TUSC3: variants seen among roughly 807,000 people sequenced by gnomAD.
The protein encoded by TUSC3 is tumor suppressor candidate 3, also known as dolichyl-diphosphooligosaccharide--protein glycosyltransferase subunit TUSC3.
In TUSC3, 45 loss-of-function variants were observed where a neutral mutation model predicts 44.8. The observed-to-expected ratio is 1.00, with a 90% CI of 0.79 to 1.29. TUSC3 has a LOEUF of 1.29. TUSC3 is among the 50% of genes most tolerant of loss of function. TUSC3 has a pLI of 0.00. For synonymous variants in TUSC3, 212 were observed against 152.9 expected (o/e 1.39, Z -2.85); for missense variants, 519 against 437.9 (o/e 1.19, Z -1.65).
At chr8:15,596,156 C>G (rs187998992) in intron 1 of TUSC3, among the ~76,000 whole-genome samples, 5 of 152,248 alleles carry the variant, frequency 3.3e-5, no homozygotes, top group Admixed American at 6.5e-5. Context: ...TTTATAGTCG[C>G]AAGTTCTAAT....
intron 1 of TUSC3, among the ~76,000 whole-genome samples, chr8:15,555,456 C>G (rs1291517926): frequency 1.3e-5 from 2 of 150,824 alleles, no homozygotes; most frequent in Non-Finnish European, 3.0e-5. Flanking sequence ...GCCACCATGC[C>G]TAGCTAGTTT....
At chr8:15,565,670 C>T (rs1386388011) in intron 1 of TUSC3, among the ~76,000 whole-genome samples, 8 of 152,124 alleles carry the variant, frequency 5.3e-5, no homozygotes, top group Admixed American at 2.0e-4. Context: ...TCATCTGATT[C>T]TCTGTATTAA....
At chr8:15,588,503 A>G (rs192409407) in intron 1 of TUSC3, among the ~76,000 whole-genome samples, 4 of 152,092 alleles carry the variant, frequency 2.6e-5, no homozygotes, top group East Asian at 1.9e-4. Context: ...CTCCCATTCT[A>G]TGGGCTGTCT....
chr8:15,610,001 C>T (rs899999299), intron 1 of TUSC3, among the ~76,000 whole-genome samples: 3 of 151,956 alleles, frequency 2.0e-5, no homozygotes, highest in East Asian at 1.9e-4. Context: ...TATTATTATG[C>T]TCTTTATTTC....
chr8:15,751,122 G>A (rs1811681618), intron 9 of TUSC3, among the ~76,000 whole-genome samples: 1 of 152,082 alleles, frequency 6.6e-6, no homozygotes, highest in South Asian at 2.1e-4. Flanking sequence ...GATTGACTTA[G>A]GCAAGCTAAA....
chr8:15,744,285 T>G (rs1811313486), intron 8 of TUSC3, among the ~76,000 whole-genome samples: 1 of 151,982 alleles, frequency 6.6e-6, no homozygotes, highest in Non-Finnish European at 1.5e-5. Flanking sequence ...TTTTGAGAAG[T>G]AAAGAGTTTT....
intron 1 of TUSC3, among the ~76,000 whole-genome samples, chr8:15,423,975 T>TTTG (rs1563247169): frequency 5.0e-5 from 1 of 19,990 alleles, no homozygotes; most frequent in Non-Finnish European, 1.0e-4. Context: ...CTTTGTTTTT[T>TTTG]TTTTTTTTTT....
chr8:15,645,770 A>G (rs182206441), intron 2 of TUSC3, among the ~76,000 whole-genome samples: 20 of 152,226 alleles, frequency 1.3e-4, no homozygotes, highest in Admixed American at 3.9e-4. Context: ...CAAACAGCAT[A>G]TGTTTGTGAT....
intron 7 of TUSC3, among the ~76,000 whole-genome samples, chr8:15,735,014 C>A (rs565470230): frequency 1.3e-5 from 2 of 152,132 alleles, no homozygotes; most frequent in Admixed American, 6.5e-5. Flanking sequence ...GGGTAACTTA[C>A]GAATTCTTTT....
At chr8:15,620,003 G>A (rs765181945) in intron 1 of TUSC3, among the ~76,000 whole-genome samples, 15 of 152,124 alleles carry the variant, frequency 9.9e-5, no homozygotes, top group Non-Finnish European at 2.1e-4. Context: ...TGGAGGTTGC[G>A]ATTTGCTGAG....
chr8:15,619,684 T>C (rs535788561), intron 1 of TUSC3, among the ~76,000 whole-genome samples: 1 of 152,108 alleles, frequency 6.6e-6, no homozygotes, highest in East Asian at 1.9e-4. Context: ...TGTTTGTTTG[T>C]TTGTTTTAGT....
At chr8:15,717,313 T>C (rs1024315131) in intron 6 of TUSC3, among the ~76,000 whole-genome samples, 35 of 152,026 alleles carry the variant, frequency 2.3e-4, no homozygotes, top group Non-Finnish European at 4.1e-4. Context: ...TTGAGATGAA[T>C]CAGGAAAAGA....
intron 3 of TUSC3, among the ~76,000 whole-genome samples, chr8:15,651,212 C>T (rs895344568): frequency 2.0e-5 from 3 of 152,108 alleles, no homozygotes; most frequent in Admixed American, 2.0e-4. Flanking sequence ...AGTTTACATG[C>T]ATTGGTCTTA....
intron 1 of TUSC3, among the ~76,000 whole-genome samples, chr8:15,454,675 C>T (rs1322354035): frequency 6.6e-6 from 1 of 152,010 alleles, no homozygotes; most frequent in Admixed American, 6.6e-5. Context: ...CAGATGGAGC[C>T]CTTACTATGT....
At chr8:15,834,101 TCTC>T in the TUSC3 span, among the ~76,000 whole-genome samples, 4 of 152,120 alleles carry the variant, frequency 2.6e-5, no homozygotes, top group Non-Finnish European at 4.4e-5. Flanking sequence ...TCTTCCCGAC[TCTC>T]CTCATTACTT....
At chr8:15,742,777 G>A (rs1811249283) in intron 7 of TUSC3, among the ~76,000 whole-genome samples, 1 of 152,170 alleles carries the variant, frequency 6.6e-6, no homozygotes, top group South Asian at 2.1e-4. Context: ...TTTCAGAATT[G>A]ATGAGTTCTA....
At chr8:15,528,678 G>C (rs1044217959) in intron 2 of TUSC3, among the ~76,000 whole-genome samples, 4 of 152,286 alleles carry the variant, frequency 2.6e-5, no homozygotes, top group East Asian at 3.9e-4. Context: ...CAGAATCTCA[G>C]AGATACTCCC....
intron 1 of TUSC3, among the ~76,000 whole-genome samples, chr8:15,482,736 G>A (rs1585060973): frequency 6.6e-6 from 1 of 152,122 alleles, no homozygotes; most frequent in Admixed American, 6.6e-5. Context: ...GATTAAAAAT[G>A]TATGTACAGA....
chr8:15,732,699 G>T (rs1366607977), intron 7 of TUSC3, among the ~76,000 whole-genome samples: 1 of 152,126 alleles, frequency 6.6e-6, no homozygotes, highest in South Asian at 2.1e-4. Flanking sequence ...TAATACAAAG[G>T]CATTGTTTTT....
Sources: gnomAD v4.1 joint callset for allele counts (sites outside exome capture counted in the v4.1 genomes callset) on GRCh38, gnomAD v4.1.1 for gene constraint, MANE v1.5 for transcripts, NCBI Gene and HGNC (gene_info 2026-07-23, HGNC 2026-07-21) for gene names.